The following LSAMP variants were observed in gnomAD, a reference collection of about 807,000 sequenced individuals.
The protein encoded by LSAMP is limbic system-associated membrane protein.
LSAMP carries 7 observed loss-of-function variants against 38.6 expected under a neutral mutation model. That is an observed-to-expected ratio of 0.18 (90% confidence interval 0.10 to 0.34). The LOEUF (loss-of-function observed/expected upper bound fraction) is 0.34, where lower values mean the gene tolerates loss of function less well. Among genes scored for constraint, LSAMP ranks in the 10% least tolerant of loss-of-function variants. The pLI is 1.00. For synonymous variants in LSAMP, 154 were observed against 166.8 expected (o/e 0.92, Z 0.59); for missense variants, 313 against 420.0 (o/e 0.75, Z 2.23).
chr3:116,036,225 G>A (rs1472588502), intron 2 of LSAMP, among the ~76,000 whole-genome samples: 1 of 152,132 alleles, frequency 6.6e-6, no homozygotes, highest in East Asian at 1.9e-4. Context: ...TTGATATGAT[G>A]TCCTCTCAGA....
chr3:116,072,452 C>T (rs1707630782), intron 2 of LSAMP, among the ~76,000 whole-genome samples: 1 of 152,076 alleles, frequency 6.6e-6, no homozygotes, highest in Non-Finnish European at 1.5e-5. Flanking sequence ...GATATTTCTG[C>T]TTCTAGATCT....
intron 1 of LSAMP, among the ~76,000 whole-genome samples, chr3:116,144,814 A>G (rs1050688913): frequency 6.6e-6 from 1 of 151,812 alleles, no homozygotes; most frequent in East Asian, 1.9e-4. Flanking sequence ...CAAACTTTCT[A>G]TGTTCTAGGT....
chr3:116,338,357 A>C (rs1265586524), intron 1 of LSAMP, among the ~76,000 whole-genome samples: 3 of 151,960 alleles, frequency 2.0e-5, no homozygotes, highest in Admixed American at 2.0e-4. Flanking sequence ...TAATTACCAA[A>C]TGCCCTTTCA....
At chr3:116,276,999 A>T (rs183063388) in intron 1 of LSAMP, among the ~76,000 whole-genome samples, 1 of 152,360 alleles carries the variant, frequency 6.6e-6, no homozygotes, top group African/African-American at 2.4e-5. Flanking sequence ...AAGCGAGTAC[A>T]CATGGAGCAG....
At chr3:116,109,828 G>A (rs559109195) in intron 1 of LSAMP, among the ~76,000 whole-genome samples, 2 of 152,006 alleles carry the variant, frequency 1.3e-5, no homozygotes, top group East Asian at 1.9e-4. Context: ...AGACACGGAG[G>A]GAAGGGGTTC....
chr3:116,065,740 CT>C (rs1454313652), intron 2 of LSAMP, among the ~76,000 whole-genome samples: 1 of 152,156 alleles, frequency 6.6e-6, no homozygotes, highest in African/African-American at 2.4e-5. Context: ...TGTTTACTAC[CT>C]TTTGTTTATA....
chr3:116,265,599 C>T (rs1395654790), intron 1 of LSAMP, among the ~76,000 whole-genome samples: 4 of 152,086 alleles, frequency 2.6e-5, no homozygotes, highest in Non-Finnish European at 5.9e-5. Context: ...AATTTCTTTC[C>T]CCAACGCCTT....
chr3:116,344,869 T>G (rs1236721053), intron 1 of LSAMP, among the ~76,000 whole-genome samples: 2 of 152,164 alleles, frequency 1.3e-5, no homozygotes, highest in Non-Finnish European at 2.9e-5. Flanking sequence ...GAAAAAGAGA[T>G]AGGTTTCTGT....
At chr3:115,864,705 T>C (rs373369910) in intron 3 of LSAMP, among the ~76,000 whole-genome samples, 6 of 152,218 alleles carry the variant, frequency 3.9e-5, no homozygotes, top group South Asian at 4.2e-4. Context: ...TCGCACCACC[T>C]CCTAACCCTC....
intron 1 of LSAMP, among the ~76,000 whole-genome samples, chr3:116,170,885 T>C (rs1057437831): frequency 2.0e-5 from 3 of 152,156 alleles, no homozygotes; most frequent in Non-Finnish European, 4.4e-5. Context: ...GCTGTCTCTG[T>C]GGTTCCTGGC....
chr3:115,878,388 A>G (rs1338660833), intron 3 of LSAMP, among the ~76,000 whole-genome samples: 1 of 151,666 alleles, frequency 6.6e-6, no homozygotes, highest in Non-Finnish European at 1.5e-5. Context: ...AGATAAGAAA[A>G]CGCATCTGCC....
intron 1 of LSAMP, among the ~76,000 whole-genome samples, chr3:116,155,551 T>C (rs1709726434): frequency 6.6e-6 from 1 of 152,014 alleles, no homozygotes; most frequent in African/African-American, 2.4e-5. Context: ...TGTTTTACCT[T>C]CATAATACCT....
intron 3 of LSAMP, among the ~76,000 whole-genome samples, chr3:115,884,086 T>C (rs1277902686): frequency 1.3e-5 from 2 of 152,080 alleles, no homozygotes; most frequent in African/African-American, 2.4e-5. Flanking sequence ...TCTGGGACTA[T>C]GATGCCCACA....
chr3:116,164,047 G>A (rs897501833), intron 1 of LSAMP, among the ~76,000 whole-genome samples: 1 of 152,074 alleles, frequency 6.6e-6, no homozygotes. Flanking sequence ...CTTTCGTTTT[G>A]TATTTTAACA....
Position 116,167,745 on chromosome 3 carries a change from C to A in LSAMP, c.156-81189G>T, listed in dbSNP as rs80301467. Among the ~76,000 whole-genome samples, 37 of 152,330 alleles carry A rather than the reference C, an allele frequency of 2.4e-4. No homozygotes were observed. In the East Asian group the frequency reaches 7.1e-3, roughly 29 times the overall value. On this transcript the variant is annotated intron_variant, in intron 1 of 6. Transcript: ENST00000490035. ...TTGGCATATGCTATTCTCAACACCTCTCAGCCCACACCCCTTATATACAAC... is the reference window on the plus strand; with the variant it reads ...TTGGCATATGCTATTCTCAACACCTATCAGCCCACACCCCTTATATACAAC...
In LSAMP at chr3:116,261,598, A is replaced by G. The variant is rs184227055; in HGVS notation, c.156-175042T>C. On this transcript the variant is annotated intron_variant, in intron 1 of 6. Coordinates refer to ENST00000490035, the MANE Select transcript of LSAMP (RefSeq NM_002338.5). ...TTGAAAGTTATCTGTATTTTAAACA[A>G]TTTTCTGATTAAAAAACAATTATTT... 3.4e-3 allele frequency among the ~76,000 whole-genome samples: 514 copies of G among 152,238 alleles called. 8 individuals are homozygous for G. The highest frequency in any genetic ancestry group is 0.012 in the African/African-American group (492 of 41,534).
chr3:116,025,506 A>G (rs1297520815), intron 2 of LSAMP, among the ~76,000 whole-genome samples: 1 of 152,136 alleles, frequency 6.6e-6, no homozygotes, highest in African/African-American at 2.4e-5. Context: ...TTGTGCATAA[A>G]TAATGCTTTT....
intron 1 of LSAMP, among the ~76,000 whole-genome samples, chr3:116,339,153 C>T (rs79826660): frequency 0.022 from 3,405 of 152,000 alleles, 68 homozygotes; most frequent in Non-Finnish European, 0.033. Context: ...ATTTACCAGG[C>T]AGGCTTTTGA....
chr3:116,143,948 C>T (rs969765419), intron 1 of LSAMP, among the ~76,000 whole-genome samples: 3 of 151,832 alleles, frequency 2.0e-5, no homozygotes, highest in South Asian at 2.1e-4. Flanking sequence ...CTCTTTAGTG[C>T]CATACTAAAA....
Sources: gnomAD v4.1 joint callset for allele counts (sites outside exome capture counted in the v4.1 genomes callset) on GRCh38, gnomAD v4.1.1 for gene constraint, MANE v1.5 for transcripts, NCBI Gene and HGNC (gene_info 2026-07-23, HGNC 2026-07-21) for gene names.